Variants in USP7 observed in about 807,000 individuals in gnomAD.
USP7 encodes the protein ubiquitin C-terminal hydrolase 7.
Under a neutral mutation model 162.9 loss-of-function variants are expected in USP7, and 9 were observed. That is an observed-to-expected ratio of 0.06 (90% CI 0.03 to 0.10). USP7 has a LOEUF of 0.10. Among genes scored for constraint, USP7 ranks in the 10% least tolerant of loss-of-function variants. USP7 has a pLI of 1.00. For synonymous variants in USP7, 562 were observed against 475.9 expected (o/e 1.18, Z -2.35); for missense variants, 715 against 1,373.7 (o/e 0.52, Z 7.58).
chr16:8,894,687 C>A (rs745313308), intron 29 of USP7, 47 bp from the exon 30 acceptor site: 14 of 1,611,818 alleles, frequency 8.7e-6, no homozygotes, highest in Non-Finnish European at 1.2e-5. Context: ...TGTATATCAG[C>A]AAAACTCACA....
chr16:8,955,773 A>G (rs567933909), intron 1 of USP7, among the ~76,000 whole-genome samples: 1 of 150,794 alleles, frequency 6.6e-6, no homozygotes, highest in South Asian at 2.1e-4. Context: ...TTTATTCCCC[A>G]AAGTCTTATT....
chr16:8,958,187 G>A (rs1955412826), intron 1 of USP7, among the ~76,000 whole-genome samples: 1 of 152,242 alleles, frequency 6.6e-6, no homozygotes, highest in African/African-American at 2.4e-5. Flanking sequence ...CACCGGCACA[G>A]TAGCAGGTGG....
At position 8,893,780 on chromosome 16, in the gene USP7, T is replaced by C. The variant is rs547675457; in HGVS notation, c.*218A>G. 11 of 518,426 alleles carry C rather than the reference T, an allele frequency of 2.1e-5. No homozygotes were observed. The highest frequency in any genetic ancestry group is 1.0e-4 in the East Asian group (3 of 28,972). The allele number at this position is 518,426 out of a possible 1,614,324, so 32.1% of individuals were successfully genotyped here. A position where few individuals can be genotyped will look rare whatever the true frequency, so the allele number is the denominator to read the frequency against. ...TGTGGTTACCATAAAATAACTCTCA[T>C]TGGCATCCAAGCTTTATAAAAACAT... On this transcript the variant is annotated 3_prime_UTR_variant, in exon 31 of 31. Transcript: ENST00000344836.
intron 1 of USP7, among the ~76,000 whole-genome samples, chr16:8,943,165 A>G (rs536540325): frequency 3.5e-4 from 54 of 152,290 alleles, no homozygotes; most frequent in African/African-American, 1.3e-3. Context: ...ATTTGTTTGG[A>G]GCTTTCAGTT....
At chr16:8,904,221 T>A (rs192230524) in intron 15 of USP7, among the ~76,000 whole-genome samples, 6 of 152,330 alleles carry the variant, frequency 3.9e-5, no homozygotes, top group African/African-American at 1.2e-4. Context: ...GGAGAGCACG[T>A]GGAGCAGCTT....
chr16:8,913,865 C>T (rs1485888491), intron 10 of USP7, among the ~76,000 whole-genome samples: 1 of 151,944 alleles, frequency 6.6e-6, no homozygotes, highest in African/African-American at 2.4e-5. Context: ...ATCCTCCCAC[C>T]TCAGCCTCAA....
At chr16:8,897,167 A>G (rs1596349550) in intron 25 of USP7, 68 bp from the exon 26 acceptor site, 3 of 1,250,344 alleles carry the variant, frequency 2.4e-6, no homozygotes, top group Non-Finnish European at 1.2e-6. Flanking sequence ...ACAAAGGAAG[A>G]GAGGAGAAAG....
At position 8,946,226 on chromosome 16, in the gene USP7, G is replaced by C. The variant is rs143600902; in HGVS notation, c.80-15829C>G. Among the ~76,000 whole-genome samples the C allele has an allele frequency of 3.0e-3, 464 of 152,184 alleles. 3 individuals are homozygous for C. The highest frequency in any genetic ancestry group is 0.01 in the African/African-American group (433 of 41,518). ...ACACAGGAAAACATCTGTCATGATG[G>C]GTAGGGCAAATATTTGGACATAATA... is the stretch of plus-strand genomic sequence containing the variant. On this transcript the variant is annotated intron_variant, in intron 1 of 30. Coordinates refer to ENST00000344836, the MANE Select transcript of USP7 (RefSeq NM_003470.3).
chr16:8,907,477 AC>A (rs1284952854), intron 12 of USP7, among the ~76,000 whole-genome samples: 1 of 152,202 alleles, frequency 6.6e-6, no homozygotes, highest in Non-Finnish European at 1.5e-5. Flanking sequence ...TGGTGCTCAA[AC>A]TAATCAGGAT....
intron 1 of USP7, among the ~76,000 whole-genome samples, chr16:8,962,119 G>A (rs1900038924): frequency 6.6e-6 from 1 of 152,156 alleles, no homozygotes; most frequent in Non-Finnish European, 1.5e-5. Context: ...CACCGCACAG[G>A]ACAAATACTG....
chr16:8,921,484 C>T (rs899301765), intron 3 of USP7, among the ~76,000 whole-genome samples, 189 bp from the exon 4 acceptor site: 15 of 152,240 alleles, frequency 9.9e-5, no homozygotes, highest in East Asian at 1.9e-4. Flanking sequence ...TGGGGCTCCC[C>T]CAGTGTATTC....
intron 1 of USP7, among the ~76,000 whole-genome samples, chr16:8,940,723 G>A (rs1596404543): frequency 6.6e-6 from 1 of 152,208 alleles, no homozygotes; most frequent in East Asian, 1.9e-4. Context: ...AGGCTGTGGA[G>A]TGAGATCAAT....
chr16:8,919,998 C>T (rs1006052447), intron 5 of USP7, among the ~76,000 whole-genome samples: 5 of 152,218 alleles, frequency 3.3e-5, no homozygotes, highest in African/African-American at 1.2e-4. Context: ...CTTCCTCACA[C>T]TCGGAGAGGA....
At chr16:8,912,328 T>C (rs2437711) in intron 10 of USP7, among the ~76,000 whole-genome samples, 45,247 of 151,528 alleles carry the variant, frequency 0.3, 6,775 homozygotes, top group South Asian at 0.34. Flanking sequence ...GGTGGGCACC[T>C]GTAATCCCAG....
At chr16:8,898,768 T>A in intron 23 of USP7, 129 bp from the exon 24 acceptor site, 1 of 714,634 alleles carries the variant, frequency 1.4e-6, no homozygotes, top group Non-Finnish European at 2.3e-6. Context: ...GCATGGGGTT[T>A]AACTTAATAC....
In USP7 at chr16:8,963,537, C is replaced by G. The variant is rs1442134411; in HGVS notation, c.-252G>C. ...CCGAGGCGGGCGGGCGGCCGGCGGG[C>G]CGGGCCGGGCGGCCTCGTCGCTCGC... On this transcript the variant is annotated 5_prime_UTR_variant, in exon 1 of 31. Transcript: ENST00000344836. The G allele has an allele frequency of 1.6e-5, 2 of 125,980 alleles. No individual in the cohort carries two copies. Among genetic ancestry groups the G allele is most frequent in the African/African-American group, 5.6e-5 (2 of 35,502 alleles). The allele number at this position is 125,980 out of a possible 1,614,324, so 7.8% of individuals were successfully genotyped here.
At chr16:8,903,480 TA>T in intron 15 of USP7, 78 bp from the exon 16 acceptor site, 1 of 1,449,604 alleles carries the variant, frequency 6.9e-7, no homozygotes, top group Non-Finnish European at 9.2e-7. Context: ...ATTTAAACAC[TA>T]AAACGCTGAA....
intron 1 of USP7, among the ~76,000 whole-genome samples, chr16:8,941,146 AC>A (rs35853014): frequency 6.6e-6 from 1 of 151,270 alleles, no homozygotes; most frequent in African/African-American, 2.4e-5. Context: ...GCCCATGAGG[AC>A]CCCCCGCCCC....
chr16:8,924,006 A>AT (rs968710072), intron 2 of USP7, among the ~76,000 whole-genome samples: 267 of 150,554 alleles, frequency 1.8e-3, no homozygotes, highest in Admixed American at 2.9e-3. Context: ...AGGGGGAATA[A>AT]TTTTTTTTTT....
Sources: gnomAD v4.1 joint callset for allele counts (sites outside exome capture counted in the v4.1 genomes callset) on GRCh38, gnomAD v4.1.1 for gene constraint, MANE v1.5 for transcripts, NCBI Gene and HGNC (gene_info 2026-07-23, HGNC 2026-07-21) for gene names.